The following MRPL37 variants were observed in gnomAD, a reference collection of about 807,000 sequenced individuals.
MRPL37 encodes mitochondrial ribosomal protein L37.
MRPL37 carries 34 observed loss-of-function variants against 44.1 expected under a neutral mutation model. That is an observed-to-expected ratio of 0.77 (90% CI 0.59 to 1.03). The LOEUF is 1.03. Among genes scored for constraint, MRPL37 ranks in the 50% least tolerant of loss-of-function variants. The pLI, the probability that MRPL37 is intolerant of heterozygous loss-of-function variation, is 0.00. For synonymous variants in MRPL37, 212 were observed against 219.5 expected (o/e 0.97, Z 0.30); for missense variants, 532 against 543.7 (o/e 0.98, Z 0.21).
rs1389242378 is a variant in MRPL37 at position 54,200,258 on chromosome 1, C to T, written c.15C>T (p.Ser5=). 6.3e-7 allele frequency: 1 copy of T among 1,591,738 alleles called. No homozygotes were observed. The highest frequency in any genetic ancestry group is 8.5e-7 in the Non-Finnish European group (1 of 1,171,924). Reference sequence around the variant, plus strand: ...ATCAGATCGGTATGGCATTGGCGTCCGGGCCCGCAAGGCGGGCGCTAGCTG... The same window carrying T: ...ATCAGATCGGTATGGCATTGGCGTCTGGGCCCGCAAGGCGGGCGCTAGCTG... MALA[S]GPARRALAGS... The change falls in exon 1 of 7, where the codon TCC becomes TCT. Residue 5 remains serine (S), a synonymous_variant. Coordinates refer to ENST00000360840, the MANE Select transcript of MRPL37 (RefSeq NM_016491.4).
chr1:54,210,445 G>A lies in MRPL37; in HGVS notation c.832+314G>A, dbSNP rs191788963. 2.4e-4 allele frequency among the ~76,000 whole-genome samples: 36 copies of A among 152,106 alleles called. No individual in the cohort carries two copies. The East Asian group carries it at 3.7e-3, about 16-fold the overall frequency. ...TCTTCAGCAAACTGTATCATTGGGC[G>A]TTTGAGGGGCTTTTCACCAAGGCTT... On this transcript the variant is annotated intron_variant, in intron 4 of 6. Coordinates refer to ENST00000360840, the MANE Select transcript of MRPL37 (RefSeq NM_016491.4).
At chr1:54,225,056 C>T, downstream of MRPL37, 1 of 1,218,498 alleles carries the variant, frequency 8.2e-7, no homozygotes, top group Admixed American at 4.3e-5. Flanking sequence ...GTGGCTGTGG[C>T]CCTCCTGGCC....
intron 6 of MRPL37, among the ~76,000 whole-genome samples, chr1:54,217,536 C>T (rs1353343093): frequency 2.0e-5 from 3 of 152,226 alleles, no homozygotes; most frequent in East Asian, 1.9e-4. Context: ...GGCTCCAGCC[C>T]GATCTTGCCC....
chr1:54,221,850 A>T (rs11585887), downstream of MRPL37, among the ~76,000 whole-genome samples: 25,840 of 150,392 alleles, frequency 0.17, 2,631 homozygotes, highest in East Asian at 0.48. Flanking sequence ...TTTAATAAGC[A>T]CCTACTGTGT....
chr1:54,207,019 C>T (rs779351562), intron 3 of MRPL37, among the ~76,000 whole-genome samples: 6 of 152,130 alleles, frequency 3.9e-5, no homozygotes, highest in Admixed American at 6.5e-5. Context: ...TTCCAAACTG[C>T]GGGAATACAG....
rs1305490434 is a variant in MRPL37, at chr1:54,200,257, C to G, written c.14C>G (p.Ser5Cys). The G allele has an allele frequency of 2.5e-6, 4 of 1,591,358 alleles. No individual in the cohort carries two copies. The highest frequency in any genetic ancestry group is 2.6e-6 in the Non-Finnish European group (3 of 1,171,816). The change falls in exon 1 of 7, where the codon TCC becomes TGC. Residue 5 changes from serine to cysteine, a missense_variant. By Grantham distance (112) the Ser-to-Cys change is moderately radical. Coordinates refer to ENST00000360840, the MANE Select transcript of MRPL37 (RefSeq NM_016491.4). MALA[S>C]GPARRALAGS... ...TATCAGATCGGTATGGCATTGGCGT[C>G]CGGGCCCGCAAGGCGGGCGCTAGCT...
intron 5 of MRPL37, among the ~76,000 whole-genome samples, chr1:54,215,625 T>C (rs902604461): frequency 6.6e-6 from 1 of 152,118 alleles, no homozygotes; most frequent in Non-Finnish European, 1.5e-5. Flanking sequence ...GGCATGAGCC[T>C]GTTTGGGTTC....
intron 1 of MRPL37, 141 bp from the exon 2 acceptor site, chr1:54,204,877 C>A: frequency 1.1e-6 from 1 of 940,442 alleles, no homozygotes; most frequent in Non-Finnish European, 1.5e-6. Flanking sequence ...ACTTTTGGTT[C>A]TATCCCCTCA....
chr1:54,215,659 C>T (rs575594643), intron 5 of MRPL37, among the ~76,000 whole-genome samples: 10 of 152,292 alleles, frequency 6.6e-5, no homozygotes, highest in African/African-American at 2.4e-4. Flanking sequence ...TTCGTGACTT[C>T]CGGCAAGTCA....
At position 54,205,414 on chromosome 1, in the gene MRPL37, G is replaced by A; in HGVS notation, c.646+4G>A. The A allele has an allele frequency of 6.2e-7, 1 of 1,610,900 alleles. No individual in the cohort carries two copies. Among genetic ancestry groups the A allele is most frequent in the Non-Finnish European group, 8.5e-7 (1 of 1,177,434 alleles). ...TTTTCTGCTACCTGGAACCGAGGTT[G>A]GTCATCTTGTACACCAGAAAGCCTT... On this transcript the variant is annotated splice_donor_region_variant and intron_variant, in intron 3 of 6. Transcript: ENST00000360840.
downstream of MRPL37, among the ~76,000 whole-genome samples, chr1:54,221,464 G>A (rs187869621): frequency 5.3e-5 from 8 of 152,206 alleles, no homozygotes; most frequent in East Asian, 1.2e-3. Flanking sequence ...CCCGATCCAG[G>A]GACCCTCTCC....
At position 54,204,908 on chromosome 1, in the gene MRPL37, G is replaced by T. The variant is rs904986103; in HGVS notation, c.347-110G>T. 17 of 1,270,212 alleles carry T rather than the reference G, an allele frequency of 1.3e-5. No individual in the cohort carries two copies. In the African/African-American group the frequency reaches 2.1e-4, roughly 16 times the overall value. The allele number at this position is 1,270,212 out of a possible 1,614,324, so 78.7% of individuals were successfully genotyped here. A position where few individuals can be genotyped will look rare whatever the true frequency, so the allele number is the denominator to read the frequency against. On this transcript the variant is annotated intron_variant, in intron 1 of 6. Coordinates refer to ENST00000360840, the MANE Select transcript of MRPL37 (RefSeq NM_016491.4). The stretch of plus-strand genomic sequence containing the variant: ...CCTCAGGTGTCACAGAACAAATCCA[G>T]TTTCTCACTTGAGGCAGCCTTTTTA...
chr1:54,214,728 C>G (rs1012637304), intron 5 of MRPL37, among the ~76,000 whole-genome samples: 25 of 152,082 alleles, frequency 1.6e-4, no homozygotes, highest in African/African-American at 5.8e-4. Flanking sequence ...CCTCCAGGCA[C>G]AAATTATTCC....
At chr1:54,209,796 CA>C in intron 3 of MRPL37, 149 bp from the exon 4 acceptor site, 1 of 745,192 alleles carries the variant, frequency 1.3e-6, no homozygotes, top group Non-Finnish European at 2.1e-6. Flanking sequence ...GGGGCTTTGT[CA>C]TGTTGCCCAG....
intron 5 of MRPL37, 52 bp from the exon 6 acceptor site, chr1:54,216,089 C>T: frequency 1.3e-6 from 2 of 1,596,094 alleles, no homozygotes; most frequent in Admixed American, 1.7e-5. Flanking sequence ...CCGTGCTGTT[C>T]CTTACACTCC....
intron 5 of MRPL37, among the ~76,000 whole-genome samples, chr1:54,213,764 C>A (rs1437367973): frequency 1.3e-5 from 2 of 152,212 alleles, no homozygotes; most frequent in African/African-American, 4.8e-5. Flanking sequence ...AACCACTGAA[C>A]TGGCCGGGTG....
chr1:54,220,512 T>A (rs1644225627), downstream of MRPL37: 1 of 379,280 alleles, frequency 2.6e-6, no homozygotes, highest in Non-Finnish European at 5.5e-6. Context: ...CGGTTTTTTT[T>A]ATTGTCCCCA....
At chr1:54,220,329 G>A (rs1644224031), downstream of MRPL37, among the ~76,000 whole-genome samples, 5 of 152,164 alleles carry the variant, frequency 3.3e-5, no homozygotes, top group Admixed American at 6.5e-5. Flanking sequence ...CCTGGAAGGG[G>A]GCCAGGGTTG....
chr1:54,218,421 C>T, downstream of MRPL37: 1 of 1,457,598 alleles, frequency 6.9e-7, no homozygotes, highest in Non-Finnish European at 9.0e-7. Context: ...GGGAAGGGCG[C>T]CCACACAAGT....
Sources: allele counts gnomAD v4.1 joint callset (sites outside exome capture counted in the v4.1 genomes callset), GRCh38; gene constraint gnomAD v4.1.1; transcripts MANE v1.5; gene names NCBI Gene and HGNC (gene_info 2026-07-23, HGNC 2026-07-21).